The following GRB10 variants were observed in gnomAD, a reference collection of about 807,000 sequenced individuals.
GRB10 encodes the protein growth factor receptor bound protein 10, also known as growth factor receptor-bound protein 10.
Under a neutral mutation model 80.9 loss-of-function variants are expected in GRB10, and 20 were observed. That is an observed-to-expected ratio of 0.25 (90% CI 0.17 to 0.36). The LOEUF (loss-of-function observed/expected upper bound fraction) is 0.36, where lower values mean the gene tolerates loss of function less well. Ranked by LOEUF, GRB10 falls within the 10% of genes least tolerant of loss-of-function variation. The probability of loss-of-function intolerance (pLI) is 1.00; values close to 1 mark genes in which losing one functional copy is unlikely to be tolerated. For synonymous variants in GRB10, 291 were observed against 291.5 expected, an observed-to-expected ratio of 1.00 and a Z score of 0.02; for missense variants, 548 against 747.7, an observed-to-expected ratio of 0.73 and a Z score of 3.12.
intron 17 of GRB10, 175 bp from the exon 18 acceptor site, chr7:50,595,705 C>A (rs1020529633): frequency 3.3e-6 from 2 of 602,828 alleles, no homozygotes; most frequent in African/African-American, 3.7e-5. Context: ...CAACAGCACA[C>A]CAGGCAAGCA....
At chr7:50,762,189 C>A (rs1016483448) in intron 2 of GRB10, among the ~76,000 whole-genome samples, 1 of 151,688 alleles carries the variant, frequency 6.6e-6, no homozygotes, top group Non-Finnish European at 1.5e-5. Context: ...AGATTGCGAT[C>A]CCAGAGCAAA....
At chr7:50,793,175 C>A (rs1172416844) in intron 1 of GRB10, 1 of 145,552 alleles carries the variant, frequency 6.9e-6, no homozygotes, top group Non-Finnish European at 1.5e-5. Context: ...CCCGCGGGGA[C>A]GCCAACCACA....
At chr7:50,781,957 C>A (rs2078330238) in intron 1 of GRB10, among the ~76,000 whole-genome samples, 2 of 152,162 alleles carry the variant, frequency 1.3e-5, no homozygotes, top group Admixed American at 6.5e-5. Flanking sequence ...TATATGCCAT[C>A]CAGGTTTAAG....
intron 17 of GRB10, among the ~76,000 whole-genome samples, chr7:50,599,332 T>C (rs866880561): frequency 6.6e-6 from 1 of 152,226 alleles, no homozygotes; most frequent in East Asian, 1.9e-4. Context: ...CAGAATCTTG[T>C]GCTGTTTTTC....
intron 7 of GRB10, among the ~76,000 whole-genome samples, chr7:50,652,602 T>C (rs1465536374): frequency 6.6e-6 from 1 of 152,158 alleles, no homozygotes; most frequent in African/African-American, 2.4e-5. Context: ...ACCAGGTATG[T>C]GTCCAGAGAC....
At chr7:50,689,563 G>A (rs565859032) in intron 5 of GRB10, among the ~76,000 whole-genome samples, 10 of 152,110 alleles carry the variant, frequency 6.6e-5, no homozygotes, top group South Asian at 6.2e-4. Flanking sequence ...GTCTCGGGGC[G>A]CCCTCGAACA....
intron 2 of GRB10, among the ~76,000 whole-genome samples, chr7:50,777,566 T>C (rs1389495788): frequency 6.6e-6 from 1 of 152,128 alleles, no homozygotes; most frequent in Non-Finnish European, 1.5e-5. Flanking sequence ...AGCTTTTTTT[T>C]TTAAGAGAGG....
intron 5 of GRB10, 64 bp downstream of exon 5, chr7:50,703,757 T>C (rs1388583128): frequency 6.2e-6 from 7 of 1,129,586 alleles, no homozygotes; most frequent in Non-Finnish European, 8.1e-6. Flanking sequence ...TTTTAGAATA[T>C]CAGATCTGGG....
intron 5 of GRB10, among the ~76,000 whole-genome samples, chr7:50,675,836 G>C (rs554841311): frequency 1.3e-5 from 2 of 152,310 alleles, no homozygotes; most frequent in Admixed American, 6.5e-5. Context: ...GTGGGACGGG[G>C]AAAGGGAGCC....
intron 2 of GRB10, among the ~76,000 whole-genome samples, chr7:50,767,798 T>C (rs2076521296): frequency 6.6e-6 from 1 of 152,196 alleles, no homozygotes. Context: ...TACACTGGGC[T>C]GCTCACACCT....
intron 7 of GRB10, among the ~76,000 whole-genome samples, chr7:50,636,679 A>T (rs866356936): frequency 2.0e-5 from 3 of 151,962 alleles, no homozygotes; most frequent in African/African-American, 4.8e-5. Flanking sequence ...AAAATACAAC[A>T]CCCCTTCATG....
chr7:50,736,810 A>G (rs904265427), intron 3 of GRB10, among the ~76,000 whole-genome samples: 3 of 152,212 alleles, frequency 2.0e-5, no homozygotes, highest in African/African-American at 7.2e-5. Flanking sequence ...TTTTTTTTAA[A>G]CGGTCCTAGG....
At chr7:50,655,090 G>C (rs1315200251) in intron 7 of GRB10, among the ~76,000 whole-genome samples, 1 of 152,122 alleles carries the variant, frequency 6.6e-6, no homozygotes, top group Non-Finnish European at 1.5e-5. Flanking sequence ...GTTTCTGTGG[G>C]GGTCTTCTAT....
chr7:50,696,744 T>C (rs1325414352), intron 5 of GRB10, among the ~76,000 whole-genome samples: 2 of 152,082 alleles, frequency 1.3e-5, no homozygotes, highest in Admixed American at 1.3e-4. Flanking sequence ...ACTTCACATC[T>C]CAAAAATATT....
intron 5 of GRB10, among the ~76,000 whole-genome samples, chr7:50,680,608 G>C (rs2061432825): frequency 1.3e-5 from 2 of 152,206 alleles, no homozygotes; most frequent in East Asian, 1.9e-4. Context: ...AGGCCACATG[G>C]GCAGAATCGC....
At chr7:50,613,390 T>G (rs897195405) in intron 12 of GRB10, among the ~76,000 whole-genome samples, 1 of 151,998 alleles carries the variant, frequency 6.6e-6, no homozygotes. Flanking sequence ...GAGACTGATG[T>G]TGGCTCTGGA....
chr7:50,778,775 A>C (rs1369889522), intron 2 of GRB10, among the ~76,000 whole-genome samples: 1 of 152,212 alleles, frequency 6.6e-6, no homozygotes, highest in African/African-American at 2.4e-5. Context: ...CTGAGACATG[A>C]AGGCACTGAG....
Position 50,679,915 on chromosome 7 carries a change from T to C in GRB10, c.140-5257A>G, listed in dbSNP as rs140620934. 1.9e-3 allele frequency among the ~76,000 whole-genome samples: 293 copies of C among 152,356 alleles called. 10 individuals carry two copies. The East Asian group carries it at 0.043, about 22-fold the overall frequency. ...AACCAATTAAAACTTTGTGCAAATA[T>C]AACTTAACCTTCTACTGAAACAGCT... On this transcript the variant is annotated intron_variant, in intron 5 of 18. Transcript: ENST00000401949.
chr7:50,639,237 C>A (rs1339704489), intron 7 of GRB10, among the ~76,000 whole-genome samples: 1 of 152,096 alleles, frequency 6.6e-6, no homozygotes, highest in East Asian at 1.9e-4. Context: ...ACCCCCGAGT[C>A]TAAAATTTAA....
Sources: allele counts gnomAD v4.1 joint callset (sites outside exome capture counted in the v4.1 genomes callset), GRCh38; gene constraint gnomAD v4.1.1; transcripts MANE v1.5; gene names NCBI Gene and HGNC (gene_info 2026-07-23, HGNC 2026-07-21).